KCNN2: variants seen among roughly 807,000 people sequenced by gnomAD.
The protein encoded by KCNN2 is potassium calcium-activated channel subfamily N member 2, also known as small conductance calcium-activated potassium channel protein 2.
Under a neutral mutation model 55.5 loss-of-function variants are expected in KCNN2, and 24 were observed. The ratio of observed to expected loss-of-function variants is 0.43; its 90% CI spans 0.31 to 0.61. The LOEUF is 0.61. Among genes scored for constraint, KCNN2 ranks in the 20% least tolerant of loss-of-function variants. The pLI, the probability that KCNN2 is intolerant of heterozygous loss-of-function variation, is 0.08. For synonymous variants in KCNN2, 431 were observed against 336.1 expected, an observed-to-expected ratio of 1.28 and a Z score of -3.09; for missense variants, 754 against 853.6, an observed-to-expected ratio of 0.88 and a Z score of 1.45.
intron 2 of KCNN2, among the ~76,000 whole-genome samples, chr5:114,321,678 GT>G (rs1756616739): frequency 6.6e-6 from 1 of 150,560 alleles, no homozygotes; most frequent in Non-Finnish European, 1.5e-5. Context: ...TTGTTTGTTT[GT>G]TTGTTTTGAG....
chr5:114,420,413 C>G (rs891828395), intron 3 of KCNN2, among the ~76,000 whole-genome samples: 1 of 152,184 alleles, frequency 6.6e-6, no homozygotes, highest in Non-Finnish European at 1.5e-5. Context: ...CTGTGATTGT[C>G]TTTGTCCCCT....
chr5:114,068,645 C>T (rs534415463), intron 1 of KCNN2, among the ~76,000 whole-genome samples: 1 of 152,146 alleles, frequency 6.6e-6, no homozygotes, highest in South Asian at 2.1e-4. Flanking sequence ...TCTGCCTCTC[C>T]CAGTGCTTCC....
At chr5:114,257,134 A>C (rs992140291) in intron 2 of KCNN2, among the ~76,000 whole-genome samples, 1 of 151,912 alleles carries the variant, frequency 6.6e-6, no homozygotes, top group Non-Finnish European at 1.5e-5. Context: ...CCTAGTGTAT[A>C]TTTTTATCAA....
intron 1 of KCNN2, among the ~76,000 whole-genome samples, chr5:114,160,489 G>A (rs991148516): frequency 3.9e-5 from 6 of 152,116 alleles, no homozygotes; most frequent in Non-Finnish European, 5.9e-5. Context: ...TGTTGATTTG[G>A]GGTGGAGAGT....
chr5:114,192,410 A>T (rs926927443), intron 1 of KCNN2, among the ~76,000 whole-genome samples: 1 of 152,118 alleles, frequency 6.6e-6, no homozygotes, highest in South Asian at 2.1e-4. Context: ...TTCACTCCCT[A>T]TGTATGTATG....
chr5:114,226,771 G>C (rs1418412997), intron 2 of KCNN2, among the ~76,000 whole-genome samples: 1 of 151,742 alleles, frequency 6.6e-6, no homozygotes, highest in Non-Finnish European at 1.5e-5. Flanking sequence ...CATGGTGGCG[G>C]GCACCTGTAG....
At chr5:114,487,758 G>A (rs1232076041) in intron 6 of KCNN2, among the ~76,000 whole-genome samples, 2 of 152,120 alleles carry the variant, frequency 1.3e-5, no homozygotes, top group Non-Finnish European at 2.9e-5. Context: ...CTAGTAAGAT[G>A]CACTGATAAT....
chr5:114,185,393 G>A (rs1457879940), intron 1 of KCNN2, among the ~76,000 whole-genome samples: 2 of 152,238 alleles, frequency 1.3e-5, no homozygotes, highest in Non-Finnish European at 2.9e-5. Flanking sequence ...CCAGATGGGA[G>A]GGGTTCCCTG....
chr5:114,184,176 A>G (rs1753287203), intron 1 of KCNN2, among the ~76,000 whole-genome samples: 1 of 152,152 alleles, frequency 6.6e-6, no homozygotes, highest in African/African-American at 2.4e-5. Context: ...CACTTTACTA[A>G]TTACAAAGGA....
intron 1 of KCNN2, among the ~76,000 whole-genome samples, chr5:114,074,170 G>C (rs1750632799): frequency 6.6e-6 from 1 of 152,080 alleles, no homozygotes; most frequent in African/African-American, 2.4e-5. Flanking sequence ...AAATTCTCTT[G>C]CTCTGGGCAT....
intron 1 of KCNN2, among the ~76,000 whole-genome samples, chr5:114,081,890 C>A (rs1475583166): frequency 6.6e-6 from 1 of 152,134 alleles, no homozygotes; most frequent in African/African-American, 2.4e-5. Context: ...GATATCTAGA[C>A]TATGTAGGGA....
At chr5:114,121,429 C>T (rs1751828450) in intron 1 of KCNN2, among the ~76,000 whole-genome samples, 1 of 152,132 alleles carries the variant, frequency 6.6e-6, no homozygotes, top group South Asian at 2.1e-4. Flanking sequence ...CCCTGCAGTA[C>T]CCCTGGCACA....
chr5:114,273,859 C>A (rs961372627), intron 2 of KCNN2, among the ~76,000 whole-genome samples: 1 of 152,154 alleles, frequency 6.6e-6, no homozygotes, highest in African/African-American at 2.4e-5. Context: ...TTAATTAGAT[C>A]CCATTTGTCA....
rs572953114 is a variant in KCNN2 at position 114,155,103 on chromosome 5, CATTTAGCT to C, written c.-270-66375_-270-66368del. Among the ~76,000 whole-genome samples, 36 of 152,170 alleles carry C rather than the reference CATTTAGCT, an allele frequency of 2.4e-4. No individual in the cohort carries two copies. The South Asian group carries it at 5.2e-3, about 22-fold the overall frequency. ...CATCTAGGTGTCCGTGTGTTCTCAT[CATTTAGCT>C]ACTACTACTAAGTGAGAACATGTGG... On this transcript the variant is annotated intron_variant, in intron 1 of 10. Coordinates refer to the KCNN2 transcript ENST00000512097.
chr5:114,331,829 C>G (rs1561574195), intron 2 of KCNN2, among the ~76,000 whole-genome samples: 3 of 152,136 alleles, frequency 2.0e-5, no homozygotes, highest in Admixed American at 2.0e-4. Context: ...ATCTTCTACT[C>G]AGATAATGCC....
rs543888092 is a variant in KCNN2, at chr5:114,294,248, T to A, written c.-184-66697T>A. Among the ~76,000 whole-genome samples, 154 of 152,296 alleles carry A rather than the reference T, an allele frequency of 1.0e-3. 5 individuals carry two copies. In the East Asian group the frequency reaches 0.027, roughly 27 times the overall value. Reference sequence around the variant, plus strand: ...GCCTTCTGCTAGTTTTTGAATGTGTTTGCTCTTGCTTTTCTAGTTCTTTTA... The same window carrying A: ...GCCTTCTGCTAGTTTTTGAATGTGTATGCTCTTGCTTTTCTAGTTCTTTTA... On this transcript the variant is annotated intron_variant, in intron 2 of 10. Transcript: ENST00000512097.
intron 1 of KCNN2, among the ~76,000 whole-genome samples, chr5:114,197,526 T>A (rs964797998): frequency 1.3e-5 from 2 of 152,110 alleles, no homozygotes; most frequent in Non-Finnish European, 2.9e-5. Flanking sequence ...GTCCAATGAG[T>A]TAGTGGGGAC....
At chr5:114,127,171 G>A (rs1751952824) in intron 1 of KCNN2, among the ~76,000 whole-genome samples, 1 of 152,072 alleles carries the variant, frequency 6.6e-6, no homozygotes. Flanking sequence ...TCTAGAGGAT[G>A]GTGGCCCTCT....
intron 1 of KCNN2, among the ~76,000 whole-genome samples, chr5:114,090,861 A>T (rs1751128628): frequency 2.0e-5 from 3 of 151,892 alleles, no homozygotes; most frequent in Admixed American, 6.6e-5. Context: ...CCCTTTTTTT[A>T]AAATCGAGAC....
Sources: allele counts gnomAD v4.1 joint callset (sites outside exome capture counted in the v4.1 genomes callset), GRCh38; gene constraint gnomAD v4.1.1; transcripts MANE v1.5; gene names NCBI Gene and HGNC (gene_info 2026-07-23, HGNC 2026-07-21).